Variants in TATDN1 observed in about 807,000 individuals in gnomAD.
TATDN1 encodes deoxyribonuclease TATDN1.
TATDN1 carries 40 observed loss-of-function variants against 46.4 expected under a neutral mutation model. That is an observed-to-expected ratio of 0.86 (90% confidence interval 0.67 to 1.12). TATDN1 has a LOEUF of 1.12. TATDN1 is among the 50% of genes most tolerant of loss of function. TATDN1 has a pLI of 0.00. For missense variants in TATDN1, 326 were observed against 348.4 expected, an observed-to-expected ratio of 0.94 and a Z score of 0.51; for synonymous variants, 95 against 105.6, an observed-to-expected ratio of 0.90 and a Z score of 0.62.
At position 124,503,277 on chromosome 8, in the gene TATDN1, T is replaced by C. The variant is rs1015528287; in HGVS notation, c.593+994A>G. 5.3e-5 allele frequency among the ~76,000 whole-genome samples: 8 copies of C among 152,058 alleles called. No homozygotes were observed. The East Asian group carries it at 1.3e-3, about 26-fold the overall frequency. On this transcript the variant is annotated intron_variant, in intron 9 of 11. Transcript: ENST00000276692. ...ACAAAGGGGATGAATCAAGAGACAA[T>C]AGTATATGGATATTATTTAGAAATA...
chr8:124,500,421 C>T (rs988494539), intron 9 of TATDN1, among the ~76,000 whole-genome samples: 1 of 152,068 alleles, frequency 6.6e-6, no homozygotes, highest in Non-Finnish European at 1.5e-5. Flanking sequence ...ATATCTAAGA[C>T]AGGAGCCAGG....
chr8:124,488,587 A>G lies in TATDN1; in HGVS notation c.*7T>C. 2 of 1,373,670 alleles carry G rather than the reference A, an allele frequency of 1.5e-6. No homozygotes were observed. The highest frequency in any genetic ancestry group is 1.2e-5 in the South Asian group (1 of 80,398). 85.1% of individuals were successfully genotyped at this position (1,373,670 alleles called of 1,614,324 possible). On this transcript the variant is annotated 3_prime_UTR_variant, in exon 12 of 12. Transcript: ENST00000276692. Reference sequence around the variant, plus strand: ...ATACATGATGGAAAGTGGAAGACATATACCAATTATATTCCAGGAAAAAAT... The same window carrying G: ...ATACATGATGGAAAGTGGAAGACATGTACCAATTATATTCCAGGAAAAAAT...
In TATDN1 at chr8:124,527,189, T is replaced by C. The variant is rs74809299; in HGVS notation, c.23-4187A>G. ...TTAACAGGTTATAGGAGGAGCTATG[T>C]ATATTCATGAAAGGTGGATTCATGC... On this transcript the variant is annotated intron_variant, in intron 1 of 11. Coordinates refer to ENST00000276692, the MANE Select transcript of TATDN1 (RefSeq NM_032026.4). Among the ~76,000 whole-genome samples, 787 of 152,338 alleles carry C rather than the reference T, an allele frequency of 5.2e-3. 7 individuals carry two copies. The highest frequency in any genetic ancestry group is 0.018 in the African/African-American group (737 of 41,568).
chr8:124,497,150 C>T (rs571305314), intron 9 of TATDN1, among the ~76,000 whole-genome samples: 1 of 152,310 alleles, frequency 6.6e-6, no homozygotes, highest in South Asian at 2.1e-4. Flanking sequence ...TCTCCTGCAT[C>T]TTTTCCCCCT....
chr8:124,526,423 A>C (rs1416138463), intron 1 of TATDN1, among the ~76,000 whole-genome samples: 1 of 152,256 alleles, frequency 6.6e-6, no homozygotes. Flanking sequence ...ACTGTATGAA[A>C]ACCAATGTCT....
In TATDN1 at chr8:124,515,939, A is replaced by G; in HGVS notation, c.294T>C (p.Asn98=). 6.2e-7 allele frequency: 1 copy of G among 1,614,082 alleles called. No homozygotes were observed. Among genetic ancestry groups the G allele is most frequent in the Non-Finnish European group, 8.5e-7 (1 of 1,180,008 alleles). The change falls in exon 5 of 12, where the codon AAT becomes AAC. Residue 98 remains asparagine (N), a synonymous_variant. Transcript: ENST00000276692. ...CTTTCCCTTTATTGTTTTCAGCAAG[A>G]TTTAGCAACTCCTTTAAGTAAAGAT... The part of the protein sequence containing the change: ...NPDLYLKELL[N]LAENNKGKVV...
At chr8:124,523,052 T>G in intron 1 of TATDN1, 50 bp from the exon 2 acceptor site, 1 of 1,514,792 alleles carries the variant, frequency 6.6e-7, no homozygotes, top group Non-Finnish European at 9.1e-7. Context: ...TACATGAAAC[T>G]TGTACTTAAA....
At chr8:124,538,093 T>G (rs1451422780) in intron 1 of TATDN1, among the ~76,000 whole-genome samples, 1 of 152,224 alleles carries the variant, frequency 6.6e-6, no homozygotes, top group Non-Finnish European at 1.5e-5. Flanking sequence ...CAAATGGACC[T>G]GGGTACCTCT....
At chr8:124,503,480 G>T (rs1818151997) in intron 9 of TATDN1, among the ~76,000 whole-genome samples, 1 of 152,098 alleles carries the variant, frequency 6.6e-6, no homozygotes. Flanking sequence ...ATTTAAATAT[G>T]AAAGCATCTT....
chr8:124,507,715 T>C (rs1818609704), intron 8 of TATDN1, among the ~76,000 whole-genome samples: 1 of 151,650 alleles, frequency 6.6e-6, no homozygotes, highest in African/African-American at 2.4e-5. Flanking sequence ...GAAGCAGAGG[T>C]TGCAGTGAGC....
chr8:124,508,790 C>A, intron 6 of TATDN1, 102 bp from the exon 7 acceptor site: 1 of 726,660 alleles, frequency 1.4e-6, no homozygotes, highest in South Asian at 2.3e-5. Context: ...ATTTAATTCT[C>A]TAGAAATTAC....
intron 1 of TATDN1, chr8:124,526,521 A>C (rs1820515397): frequency 6.6e-6 from 1 of 152,260 alleles, no homozygotes; most frequent in Non-Finnish European, 1.5e-5. Context: ...AACAAAAACA[A>C]GGCAAAGTGG....
intron 11 of TATDN1, chr8:124,491,710 G>T (rs1817010250): frequency 6.6e-6 from 1 of 152,116 alleles, no homozygotes; most frequent in African/African-American, 2.4e-5. Flanking sequence ...TTCCTGACAT[G>T]GCAGGGGCTC....
At chr8:124,505,044 C>T (rs148264329) in intron 8 of TATDN1, among the ~76,000 whole-genome samples, 46 of 151,186 alleles carry the variant, frequency 3.0e-4, no homozygotes, top group African/African-American at 3.9e-4. Context: ...GGTGAGCCAC[C>T]GCGCCTGGCC....
intron 9 of TATDN1, chr8:124,503,755 G>A: frequency 2.2e-6 from 1 of 456,190 alleles, no homozygotes; most frequent in South Asian, 1.7e-5. Context: ...CTGAGTGTGT[G>A]AAGTTTAGTG....
intron 1 of TATDN1, among the ~76,000 whole-genome samples, chr8:124,532,085 GGGAGGAGGA>G (rs558567492): frequency 1.3e-5 from 2 of 151,748 alleles, no homozygotes; most frequent in African/African-American, 4.8e-5. Context: ...GAGCAAGGGG[GGGAGGAGGA>G]GGAGGAGGAG....
intron 11 of TATDN1, chr8:124,489,203 A>G (rs189993663): frequency 1.9e-5 from 3 of 154,058 alleles, no homozygotes; most frequent in African/African-American, 7.2e-5. Context: ...AGTCCTTGAG[A>G]GACAGCAAAT....
intron 6 of TATDN1, among the ~76,000 whole-genome samples, chr8:124,515,372 C>T (rs1249517489): frequency 1.3e-5 from 2 of 152,118 alleles, no homozygotes; most frequent in Non-Finnish European, 2.9e-5. Context: ...CAGAGAGACT[C>T]TGTCTCAAAA....
chr8:124,537,788 C>A (rs1267338676), intron 1 of TATDN1, among the ~76,000 whole-genome samples: 1 of 152,140 alleles, frequency 6.6e-6, no homozygotes, highest in Non-Finnish European at 1.5e-5. Flanking sequence ...AACCCCTACT[C>A]CAGGCTTTCC....
Sources: allele counts gnomAD v4.1 joint callset (sites outside exome capture counted in the v4.1 genomes callset), GRCh38; gene constraint gnomAD v4.1.1; transcripts MANE v1.5; gene names NCBI Gene and HGNC (gene_info 2026-07-23, HGNC 2026-07-21).